Variants in KLHL32 observed in about 807,000 individuals in gnomAD.
KLHL32 encodes the protein kelch-like protein 32.
Under a neutral mutation model 64.8 loss-of-function variants are expected in KLHL32, and 35 were observed. The observed-to-expected ratio is 0.54, with a 90% CI of 0.41 to 0.72. The LOEUF is 0.72. Among genes scored for constraint, KLHL32 ranks in the 30% least tolerant of loss-of-function variants. The probability of loss-of-function intolerance (pLI) is 0.00; values close to 1 mark genes in which losing one functional copy is unlikely to be tolerated. For missense variants in KLHL32, 589 were observed against 768.5 expected (o/e 0.77, Z 2.76); for synonymous variants, 259 against 281.0 (o/e 0.92, Z 0.78).
chr6:96,952,815 T>C (rs1166131123), intron 1 of KLHL32, among the ~76,000 whole-genome samples: 2 of 152,210 alleles, frequency 1.3e-5, no homozygotes, highest in Non-Finnish European at 2.9e-5. Context: ...GTTGGTCTTT[T>C]GAGATGTTTT....
chr6:97,068,979 A>G (rs1292694829), intron 5 of KLHL32, among the ~76,000 whole-genome samples: 1 of 152,176 alleles, frequency 6.6e-6, no homozygotes, highest in Admixed American at 6.6e-5. Flanking sequence ...AGAGGCTGGG[A>G]CGCAAGGGCG....
At chr6:97,046,076 G>T (rs957877786) in intron 4 of KLHL32, among the ~76,000 whole-genome samples, 3 of 152,190 alleles carry the variant, frequency 2.0e-5, no homozygotes, top group Non-Finnish European at 4.4e-5. Flanking sequence ...ATCCACAGAG[G>T]CATATGACAG....
chr6:96,916,527 C>T, the KLHL32 span, among the ~76,000 whole-genome samples: 1 of 152,164 alleles, frequency 6.6e-6, no homozygotes. Context: ...ACCTATTTTC[C>T]TTTGCCTTGT....
chr6:97,000,340 A>G (rs1429802156), intron 3 of KLHL32, among the ~76,000 whole-genome samples: 1 of 152,194 alleles, frequency 6.6e-6, no homozygotes, highest in African/African-American at 2.4e-5. Flanking sequence ...CTGATGAGCT[A>G]CAGGATGTAA....
chr6:96,964,608 G>C (rs894495214), intron 1 of KLHL32, among the ~76,000 whole-genome samples: 1 of 152,124 alleles, frequency 6.6e-6, no homozygotes, highest in Non-Finnish European at 1.5e-5. Context: ...AGCCGAGATC[G>C]CCCCACTGCA....
intron 3 of KLHL32, among the ~76,000 whole-genome samples, chr6:97,030,126 G>A (rs1783320831): frequency 6.6e-6 from 1 of 152,160 alleles, no homozygotes; most frequent in Admixed American, 6.5e-5. Flanking sequence ...AGTCGCAGTG[G>A]TTTTGCCTGT....
At chr6:97,040,215 C>T (rs1287147959) in intron 3 of KLHL32, among the ~76,000 whole-genome samples, 1 of 151,976 alleles carries the variant, frequency 6.6e-6, no homozygotes, top group African/African-American at 2.4e-5. Flanking sequence ...GGAACAGTTC[C>T]CACAAAACTT....
intron 1 of KLHL32, among the ~76,000 whole-genome samples, chr6:96,927,544 A>C (rs1297628455): frequency 6.6e-6 from 1 of 152,170 alleles, no homozygotes; most frequent in Non-Finnish European, 1.5e-5. Flanking sequence ...AGTGGACTTC[A>C]CTGAAGTAGG....
chr6:96,976,586 TTTTTGTTTTG>T (rs61697349), intron 3 of KLHL32, among the ~76,000 whole-genome samples: 2 of 151,716 alleles, frequency 1.3e-5, no homozygotes, highest in African/African-American at 4.8e-5. Flanking sequence ...TATATATATA[TTTTTGTTTTG>T]TTTTGTTTTG....
intron 4 of KLHL32, among the ~76,000 whole-genome samples, chr6:97,048,391 T>C (rs1786265626): frequency 6.6e-6 from 1 of 152,196 alleles, no homozygotes; most frequent in Non-Finnish European, 1.5e-5. Context: ...TAAATACATT[T>C]CTCTGACCCA....
intron 5 of KLHL32, among the ~76,000 whole-genome samples, chr6:97,067,962 C>T (rs902100940): frequency 2.0e-5 from 3 of 151,994 alleles, no homozygotes; most frequent in Non-Finnish European, 2.9e-5. Flanking sequence ...GCCTCTCAGT[C>T]CCCTTTAGAT....
upstream of KLHL32, among the ~76,000 whole-genome samples, chr6:96,920,071 A>T (rs551247215): frequency 6.6e-6 from 1 of 152,188 alleles, no homozygotes; most frequent in South Asian, 2.1e-4. Context: ...AGGGAAAAAA[A>T]CCCGATGAGG....
intron 3 of KLHL32, among the ~76,000 whole-genome samples, chr6:97,006,410 G>A (rs925955225): frequency 1.3e-5 from 2 of 152,204 alleles, no homozygotes; most frequent in Non-Finnish European, 2.9e-5. Context: ...GTTATTGCAT[G>A]TGAGATGGGC....
chr6:96,943,199 A>AACTC (rs1771538332), intron 1 of KLHL32, among the ~76,000 whole-genome samples: 1 of 152,024 alleles, frequency 6.6e-6, no homozygotes. Flanking sequence ...CATACATTCT[A>AACTC]ACCACCTATC....
chr6:97,135,956 G>T lies in KLHL32; in HGVS notation c.1702-3165G>T, dbSNP rs867117360. Among the ~76,000 whole-genome samples the T allele has an allele frequency of 7.2e-5, 11 of 152,302 alleles. No individual in the cohort carries two copies. The South Asian group carries it at 1.5e-3, about 20-fold the overall frequency. ...ACTGGAATAATATTTATGAGAAAAT[G>T]CTTAACAGTGGAAATTCCTAAGTAT... On this transcript the variant is annotated intron_variant, in intron 10 of 10. Transcript: ENST00000369261.
intron 5 of KLHL32, among the ~76,000 whole-genome samples, 186 bp downstream of exon 5, chr6:97,064,912 A>G (rs945409351): frequency 3.3e-5 from 5 of 152,154 alleles, no homozygotes; most frequent in African/African-American, 1.2e-4. Context: ...CTTGCATCCA[A>G]TCACAGAAGC....
intron 3 of KLHL32, among the ~76,000 whole-genome samples, chr6:97,035,966 AT>A (rs1379466802): frequency 6.6e-6 from 1 of 151,960 alleles, no homozygotes; most frequent in Non-Finnish European, 1.5e-5. Context: ...TTCATAATCT[AT>A]ATCGGTTTAC....
chr6:97,015,552 A>G (rs986354618), intron 3 of KLHL32, among the ~76,000 whole-genome samples: 2 of 152,178 alleles, frequency 1.3e-5, no homozygotes, highest in African/African-American at 2.4e-5. Context: ...GACCTGTGGA[A>G]CTCTGAATGT....
chr6:96,949,176 A>G (rs1772272177), intron 1 of KLHL32, among the ~76,000 whole-genome samples: 1 of 152,166 alleles, frequency 6.6e-6, no homozygotes, highest in Non-Finnish European at 1.5e-5. Flanking sequence ...GAAAATAGGG[A>G]CATTGCATGT....
Sources: gnomAD v4.1 joint callset for allele counts (sites outside exome capture counted in the v4.1 genomes callset) on GRCh38, gnomAD v4.1.1 for gene constraint, MANE v1.5 for transcripts, NCBI Gene and HGNC (gene_info 2026-07-23, HGNC 2026-07-21) for gene names.